POTEB3: variants seen among roughly 807,000 people sequenced by gnomAD.
POTEB3 encodes the protein POTE ankyrin domain family member B3, also known as ANKRD26-like family B member 1.
Under a neutral mutation model 39.8 loss-of-function variants are expected in POTEB3, and 5 were observed. The ratio of observed to expected loss-of-function variants is 0.13; its 90% CI spans 0.07 to 0.26. The LOEUF is 0.26. POTEB3 is among the 10% of genes least tolerant of loss of function. POTEB3 has a pLI of 1.00. For missense variants in POTEB3, 24 were observed against 475.6 expected (o/e 0.05, Z 8.83); for synonymous variants, 5 against 161.5 (o/e 0.03, Z 7.35).
At position 21,419,567 on chromosome 15, in the gene POTEB3, C is replaced by T. The variant is rs1898454766; in HGVS notation, c.1306G>A (p.Gly436Ser). 1.0e-6 allele frequency: 1 copy of T among 985,128 alleles called. No individual in the cohort carries two copies. The highest frequency in any genetic ancestry group is 2.9e-5 in the Admixed American group (1 of 34,102). 61.0% of individuals were successfully genotyped at this position (985,128 alleles called of 1,614,324 possible). A position where few individuals can be genotyped will look rare whatever the true frequency, so the allele number is the denominator to read the frequency against. The change falls in exon 9 of 11, where the codon GGT (glycine) becomes AGT (serine). Residue 436 changes from glycine to serine, a missense_variant. Physicochemically the swap from Gly to Ser is moderately conservative, Grantham distance 56. Transcript: ENST00000611217. ...TCATCACCATTGCCAGCACTGGCACCATTAGTCAGGTTTTCTGGTAATCCC... is the reference window on the plus strand; with the variant it reads ...TCATCACCATTGCCAGCACTGGCACTATTAGTCAGGTTTTCTGGTAATCCC... ...PVGLPENLTN[G>S]ASAGNGDDGL...
At chr15:21,429,219 G>A (rs1898855283) in intron 5 of POTEB3, among the ~76,000 whole-genome samples, 1 of 151,302 alleles carries the variant, frequency 6.6e-6, no homozygotes, top group Non-Finnish European at 1.5e-5. Context: ...ACAGCTGGGA[G>A]CCACTGCTTG....
At chr15:21,422,587 C>G (rs1481196093) in intron 6 of POTEB3, among the ~76,000 whole-genome samples, 1 of 137,214 alleles carries the variant, frequency 7.3e-6, no homozygotes, top group East Asian at 2.2e-4. Context: ...AGGATAGTAA[C>G]AAGCAGGCCC....
At chr15:21,424,885 C>T (rs1464221339) in intron 6 of POTEB3, 2 of 146,282 alleles carry the variant, frequency 1.4e-5, no homozygotes, top group African/African-American at 5.1e-5. Flanking sequence ...CCACTGAGAA[C>T]ATAAACATTT....
rs1246053013 is a variant in POTEB3 at position 21,405,823 on chromosome 15, A to C, written c.*3160T>G. On this transcript the variant is annotated 3_prime_UTR_variant, in exon 11 of 11. Coordinates refer to ENST00000611217, the MANE Select transcript of POTEB3 (RefSeq NM_207355.5). ...GTTGAATATCTTTTCTGGCTTGTAC[A>C]GTTTCAGTTGAGAGGTCTGCTAAGT... 9.6e-5 allele frequency among the ~76,000 whole-genome samples: 8 copies of C among 83,082 alleles called. 1 individual carries two copies. In the East Asian group the frequency reaches 2.8e-3, roughly 29 times the overall value. The allele number at this position is 83,082 out of a possible 152,430, so 54.5% of individuals were successfully genotyped here.
chr15:21,408,137 G>C lies in POTEB3; in HGVS notation c.*846C>G, dbSNP rs1898251345. 3.7e-5 allele frequency: 3 copies of C among 82,186 alleles called. 1 individual carries two copies. The highest frequency in any genetic ancestry group is 2.6e-4 in the African/African-American group (2 of 7,808). The allele number at this position is 82,186 out of a possible 1,614,324, so 5.1% of individuals were successfully genotyped here. ...GTACCCGTGGAAGATGGACTGACTT[G>C]TTCCTTGTGTCAACTGCAGCTTGTT... is the stretch of plus-strand genomic sequence containing the variant. On this transcript the variant is annotated 3_prime_UTR_variant, in exon 11 of 11. Coordinates refer to ENST00000611217, the MANE Select transcript of POTEB3 (RefSeq NM_207355.5).
chr15:21,424,966 A>G (rs1386674180), intron 6 of POTEB3: 3 of 148,058 alleles, frequency 2.0e-5, no homozygotes, highest in African/African-American at 7.5e-5. Context: ...AAAATTAAGC[A>G]AAACAAATGA....
chr15:21,427,610 T>TA, intron 6 of POTEB3, 75 bp downstream of exon 6: 2 of 641,282 alleles, frequency 3.1e-6, no homozygotes, highest in Non-Finnish European at 4.5e-6. Context: ...AAGACTGTCT[T>TA]CCACAAAACC....
At chr15:21,434,064 C>CAA (rs1223147084) in intron 3 of POTEB3, among the ~76,000 whole-genome samples, 11 of 100,120 alleles carry the variant, frequency 1.1e-4, no homozygotes, top group South Asian at 1.1e-3. Context: ...CACACACACA[C>CAA]AAACAAAAAC....
chr15:21,423,029 C>A (rs1221910586), intron 6 of POTEB3, among the ~76,000 whole-genome samples: 2 of 148,130 alleles, frequency 1.4e-5, no homozygotes, highest in Non-Finnish European at 3.0e-5. Context: ...CTACTGACAC[C>A]TTTATTAGTG....
chr15:21,430,855 A>G (rs1240952112), intron 4 of POTEB3, among the ~76,000 whole-genome samples: 1 of 151,828 alleles, frequency 6.6e-6, no homozygotes, highest in Non-Finnish European at 1.5e-5. Flanking sequence ...CAGGAGTTTC[A>G]GTTAATGATG....
chr15:21,419,499 C>A lies in POTEB3; in HGVS notation c.1374G>T (p.Gln458His). The change falls in exon 9 of 11, where the codon CAG becomes CAT. Residue 458 changes from glutamine to histidine, a missense_variant. Coordinates refer to ENST00000611217, the MANE Select transcript of POTEB3 (RefSeq NM_207355.5). ...PQRKSRKPEN[Q>H]QFPDTENEEY... The stretch of plus-strand genomic sequence containing the variant: ...CTTCATTCTCAGTGTCAGGAAATTG[C>A]TGATTTTCAGGTTTTCTGCTCTTCC... The A allele has an allele frequency of 2.5e-6, 2 of 802,788 alleles. No homozygotes were observed. Among genetic ancestry groups the A allele is most frequent in the East Asian group, 3.4e-5 (1 of 29,600 alleles). 49.7% of individuals were successfully genotyped at this position (802,788 alleles called of 1,614,324 possible).
intron 9 of POTEB3, among the ~76,000 whole-genome samples, chr15:21,417,117 G>T (rs2344322): frequency 5.3e-5 from 4 of 75,522 alleles, no homozygotes; most frequent in Admixed American, 4.2e-4. Context: ...TGAAGATGCC[G>T]TTAGGGAGGA....
intron 10 of POTEB3, 130 bp downstream of exon 10, chr15:21,410,748 T>TACACACACAC (rs1354320634): frequency 1.7e-6 from 1 of 592,300 alleles, no homozygotes. Context: ...TGTGTGTATA[T>TACACACACAC]ATACACACAC....
chr15:21,409,952 G>A (rs1898289950), intron 10 of POTEB3, among the ~76,000 whole-genome samples: 1 of 92,368 alleles, frequency 1.1e-5, no homozygotes, highest in South Asian at 2.6e-4. Context: ...CAGCGTGGGT[G>A]ACAGTGCAAG....
chr15:21,424,500 CAA>C (rs1399540779), intron 6 of POTEB3, among the ~76,000 whole-genome samples: 3 of 135,462 alleles, frequency 2.2e-5, no homozygotes, highest in African/African-American at 8.6e-5. Context: ...AGGAAGAACA[CAA>C]AAATGCCCTG....
Position 21,426,506 on chromosome 15 carries a change from TAA to T in POTEB3, c.1126+1177_1126+1178del, listed in dbSNP as rs1383866660. Among the ~76,000 whole-genome samples the T allele has an allele frequency of 3.4e-4, 50 of 147,338 alleles. No individual in the cohort carries two copies. The South Asian group carries it at 0.011, about 31-fold the overall frequency. ...TAGCATTAGAAAAATGATTAGTATC[TAA>T]AAGACATTTGATAGTTATTTGTTAA... is the stretch of plus-strand genomic sequence containing the variant. On this transcript the variant is annotated intron_variant, in intron 6 of 10. Coordinates refer to ENST00000611217, the MANE Select transcript of POTEB3 (RefSeq NM_207355.5).
In POTEB3 at chr15:21,440,435, G is replaced by C. The variant is rs1899235348; in HGVS notation, c.-424C>G. The C allele has an allele frequency of 3.7e-6, 1 of 268,508 alleles. No homozygotes were observed. The highest frequency in any genetic ancestry group is 6.5e-5 in the Admixed American group (1 of 15,490). 16.6% of individuals were successfully genotyped at this position (268,508 alleles called of 1,614,324 possible). ...GGCCAAGCGAGGAACGCGAAGCGAA[G>C]TGTACCCGTTACAGGTAAGCCAAGC... is the stretch of plus-strand genomic sequence containing the variant. On this transcript the variant is annotated 5_prime_UTR_variant, in exon 1 of 11. Transcript: ENST00000611217.
At chr15:21,426,574 C>T (rs1225056540) in intron 6 of POTEB3, among the ~76,000 whole-genome samples, 1 of 138,470 alleles carries the variant, frequency 7.2e-6, no homozygotes, top group Non-Finnish European at 1.6e-5. Flanking sequence ...TTTGTAAATT[C>T]TGTTGAAAAA....
intron 3 of POTEB3, among the ~76,000 whole-genome samples, chr15:21,433,251 A>G: frequency 6.6e-6 from 1 of 151,124 alleles, no homozygotes; most frequent in East Asian, 1.9e-4. Context: ...GATTTTGAGA[A>G]ATTTGTTGTT....
Sources: allele counts gnomAD v4.1 joint callset (sites outside exome capture counted in the v4.1 genomes callset), GRCh38; gene constraint gnomAD v4.1.1; transcripts MANE v1.5; gene names NCBI Gene and HGNC (gene_info 2026-07-23, HGNC 2026-07-21).